The following FBXL17 variants were observed in gnomAD, a reference collection of about 807,000 sequenced individuals.
FBXL17 encodes the protein F-box/LRR-repeat protein 17.
Under a neutral mutation model 66.2 loss-of-function variants are expected in FBXL17, and 22 were observed. The observed-to-expected ratio is 0.33, with a 90% CI of 0.24 to 0.47. The LOEUF (loss-of-function observed/expected upper bound fraction) is 0.47, where lower values mean the gene tolerates loss of function less well. Among genes scored for constraint, FBXL17 ranks in the 20% least tolerant of loss-of-function variants. The pLI, the probability that FBXL17 is intolerant of heterozygous loss-of-function variation, is 1.00. For missense variants in FBXL17, 878 were observed against 948.2 expected, an observed-to-expected ratio of 0.93 and a Z score of 0.97; for synonymous variants, 474 against 400.5, an observed-to-expected ratio of 1.18 and a Z score of -2.19.
intron 4 of FBXL17, among the ~76,000 whole-genome samples, chr5:108,279,184 C>T (rs1173424090): frequency 6.6e-6 from 1 of 152,136 alleles, no homozygotes; most frequent in Non-Finnish European, 1.5e-5. Flanking sequence ...GCTGCTTCAC[C>T]TGGCCAGTAA....
chr5:108,009,258 GTTT>G (rs34746145), intron 7 of FBXL17, among the ~76,000 whole-genome samples: 5,731 of 9,258 alleles, frequency 0.62, 2,211 homozygotes, highest in African/African-American at 0.69. Flanking sequence ...GTTGTTCCCT[GTTT>G]TATATATATA....
intron 4 of FBXL17, among the ~76,000 whole-genome samples, chr5:108,283,614 T>C (rs1294343288): frequency 6.6e-6 from 1 of 151,862 alleles, no homozygotes; most frequent in Non-Finnish European, 1.5e-5. Flanking sequence ...TTCTGGACAT[T>C]GATCTAGGCA....
intron 4 of FBXL17, among the ~76,000 whole-genome samples, chr5:108,234,130 T>A (rs538178587): frequency 6.6e-6 from 1 of 152,092 alleles, no homozygotes; most frequent in South Asian, 2.1e-4. Context: ...CAGTACAGGG[T>A]CACCAATTTT....
chr5:108,369,909 T>C (rs1224677459), intron 1 of FBXL17, among the ~76,000 whole-genome samples: 1 of 152,146 alleles, frequency 6.6e-6, no homozygotes, highest in Non-Finnish European at 1.5e-5. Context: ...GAAAGATTAA[T>C]AAAAACAAGT....
chr5:107,975,886 G>A (rs1288359009), intron 7 of FBXL17, among the ~76,000 whole-genome samples: 1 of 147,346 alleles, frequency 6.8e-6, no homozygotes, highest in African/African-American at 2.5e-5. Context: ...TTGAAACGGG[G>A]TCTCACTCTG....
At chr5:108,353,644 T>C (rs1413749262) in intron 3 of FBXL17, among the ~76,000 whole-genome samples, 1 of 152,130 alleles carries the variant, frequency 6.6e-6, no homozygotes, top group Admixed American at 6.5e-5. Context: ...TGTCAGAGCC[T>C]AACCTTCCTA....
rs189638524 is a variant in FBXL17 at position 108,100,015 on chromosome 5, G to C, written c.1746-79014C>G. ...AATGTTTTTAGCATTGTTTGCCTGT[G>C]AATAACCTATATTAGAAATTAAACT... On this transcript the variant is annotated intron_variant, in intron 6 of 8. Transcript: ENST00000542267. Among the ~76,000 whole-genome samples, 552 of 152,192 alleles carry C rather than the reference G, an allele frequency of 3.6e-3. 2 individuals carry two copies. The highest frequency in any genetic ancestry group is 5.6e-3 in the Non-Finnish European group (379 of 67,990).
intron 6 of FBXL17, among the ~76,000 whole-genome samples, chr5:108,087,416 T>C (rs1308438989): frequency 6.6e-6 from 1 of 152,050 alleles, no homozygotes; most frequent in South Asian, 2.1e-4. Context: ...AGGCGGAGCA[T>C]AAACATCCAT....
intron 6 of FBXL17, among the ~76,000 whole-genome samples, chr5:108,096,907 A>G (rs1749389322): frequency 6.6e-6 from 1 of 152,210 alleles, no homozygotes; most frequent in South Asian, 2.1e-4. Flanking sequence ...TTGAAGAGTG[A>G]AAGAGTGGTA....
intron 1 of FBXL17, among the ~76,000 whole-genome samples, chr5:108,379,882 ATCTGTGCTTACC>A (rs2112663657): frequency 6.6e-6 from 1 of 152,356 alleles, no homozygotes; most frequent in Admixed American, 6.5e-5. Flanking sequence ...CAAAAAATAC[ATCTGTGCTTACC>A]TCTGGTAATC....
rs542520199 is a variant in FBXL17, at chr5:108,020,148, C to T, written c.1822+777G>A. On this transcript the variant is annotated intron_variant, in intron 7 of 8. Coordinates refer to ENST00000542267, the MANE Select transcript of FBXL17 (RefSeq NM_001163315.3). ...CTTCCCTCAAGGTAGAAAGAATATT[C>T]TCAAATTTAAATGAAAAAATCAAAA... is the stretch of plus-strand genomic sequence containing the variant. Among the ~76,000 whole-genome samples the T allele has an allele frequency of 4.6e-5, 7 of 151,846 alleles. 1 individual carries two copies. The highest frequency in any genetic ancestry group is 1.7e-4 in the African/African-American group (7 of 41,518).
chr5:108,261,027 G>A (rs555009019), intron 4 of FBXL17, among the ~76,000 whole-genome samples: 1 of 151,972 alleles, frequency 6.6e-6, no homozygotes, highest in East Asian at 1.9e-4. Flanking sequence ...GTATGAATAA[G>A]AAATCATTAA....
At chr5:108,186,366 C>T (rs1421124993) in intron 5 of FBXL17, 119 bp from the exon 6 acceptor site, 15 of 736,178 alleles carry the variant, frequency 2.0e-5, no homozygotes, top group Non-Finnish European at 3.2e-5. Context: ...AACAGATAGG[C>T]TAGAATCTTT....
chr5:108,051,723 T>A (rs1181098776), intron 6 of FBXL17, among the ~76,000 whole-genome samples: 1 of 152,030 alleles, frequency 6.6e-6, no homozygotes, highest in East Asian at 1.9e-4. Flanking sequence ...ATGCCTGTAA[T>A]CCCAGGACTT....
intron 4 of FBXL17, among the ~76,000 whole-genome samples, chr5:108,255,990 T>A (rs1301998064): frequency 6.6e-6 from 1 of 152,120 alleles, no homozygotes; most frequent in East Asian, 1.9e-4. Context: ...TAAAGCCAAT[T>A]CTGCAAATCA....
intron 4 of FBXL17, among the ~76,000 whole-genome samples, chr5:108,261,820 TAAG>T (rs1476944819): frequency 1.3e-5 from 2 of 151,814 alleles, no homozygotes; most frequent in African/African-American, 4.8e-5. Context: ...TAAACAATAT[TAAG>T]AAGAACAAGC....
chr5:108,259,966 AC>A (rs1756741118), intron 4 of FBXL17, among the ~76,000 whole-genome samples: 1 of 151,906 alleles, frequency 6.6e-6, no homozygotes, highest in Non-Finnish European at 1.5e-5. Context: ...GGCTTCCTCT[AC>A]AAAAATCAAT....
chr5:108,235,791 G>A lies in FBXL17; in HGVS notation c.1507-11563C>T, dbSNP rs181680027. Among the ~76,000 whole-genome samples, 3 of 152,292 alleles carry A rather than the reference G, an allele frequency of 2.0e-5. No homozygotes were observed. In the East Asian group the frequency reaches 5.8e-4, roughly 29 times the overall value. ...TACTCTAGCCCTAGAGTTTGATACA[G>A]TGTCCCACGTACAACAGAAGCTCCA... On this transcript the variant is annotated intron_variant, in intron 4 of 8. Coordinates refer to ENST00000542267, the MANE Select transcript of FBXL17 (RefSeq NM_001163315.3).
chr5:108,248,064 A>G (rs143544137), intron 4 of FBXL17, among the ~76,000 whole-genome samples: 32 of 152,346 alleles, frequency 2.1e-4, no homozygotes, highest in African/African-American at 7.2e-4. Context: ...AAGAAAATCC[A>G]GAGAATTCAT....
Sources: gnomAD v4.1 joint callset for allele counts (sites outside exome capture counted in the v4.1 genomes callset) on GRCh38, gnomAD v4.1.1 for gene constraint, MANE v1.5 for transcripts, NCBI Gene and HGNC (gene_info 2026-07-23, HGNC 2026-07-21) for gene names.